MCAM: variants seen among roughly 807,000 people sequenced by gnomAD.
MCAM encodes the protein melanoma cell adhesion molecule.
MCAM carries 55 observed loss-of-function variants against 79.1 expected under a neutral mutation model. The observed-to-expected ratio is 0.70, with a 90% CI of 0.56 to 0.87. The LOEUF (loss-of-function observed/expected upper bound fraction) is 0.87. Ranked by LOEUF, MCAM falls within the 40% of genes least tolerant of loss-of-function variation. The pLI, the probability that MCAM is intolerant of heterozygous loss-of-function variation, is 0.00. For synonymous variants in MCAM, 330 were observed against 339.8 expected (o/e 0.97, Z 0.32); for missense variants, 745 against 839.8 (o/e 0.89, Z 1.40).
chr11:119,310,214 A>T, intron 15 of MCAM, 135 bp downstream of exon 15: 1 of 705,172 alleles, frequency 1.4e-6, no homozygotes, highest in African/African-American at 1.8e-5. Flanking sequence ...ATCTGTGAGT[A>T]GTGTTAAGAA....
chr11:119,311,071 C>T lies in MCAM; in HGVS notation c.1645+19G>A, dbSNP rs774509411. On this transcript the variant is annotated intron_variant, in intron 13 of 15. Transcript: ENST00000264036. The surrounding 1 kb of genome is among the most constrained non-coding windows in gnomAD (Gnocchi z 4.4). ...GGATGCCCTGGCACAGCCCTGTTCTCTTGCCAGGCCTGGCTTACCTGTGGA... is the reference window on the plus strand; with the variant it reads ...GGATGCCCTGGCACAGCCCTGTTCTTTTGCCAGGCCTGGCTTACCTGTGGA... 1 of 1,614,238 alleles carries T rather than the reference C, an allele frequency of 6.2e-7. No individual in the cohort carries two copies. Among genetic ancestry groups the T allele is most frequent in the Non-Finnish European group, 8.5e-7 (1 of 1,180,038 alleles).
Position 119,309,799 on chromosome 11 carries a change from A to G in MCAM, c.*87T>C, listed in dbSNP as rs1950199985. 7.4e-7 allele frequency: 1 copy of G among 1,350,148 alleles called. No homozygotes were observed. The highest frequency in any genetic ancestry group is 2.4e-5 in the East Asian group (1 of 41,062). 83.6% of individuals were successfully genotyped at this position (1,350,148 alleles called of 1,614,324 possible). On this transcript the variant is annotated 3_prime_UTR_variant, in exon 16 of 16. Coordinates refer to ENST00000264036, the MANE Select transcript of MCAM (RefSeq NM_006500.3). The stretch of plus-strand genomic sequence containing the variant: ...CGAGGGGAGCAGGAGGCTTCTCTCT[A>G]GTCCCTTTGGAGGCTTTGGCTGAGA...
chr11:119,310,311 G>A (rs1276360550), intron 15 of MCAM, 38 bp downstream of exon 15: 1 of 1,334,082 alleles, frequency 7.5e-7, no homozygotes, highest in Non-Finnish European at 1.1e-6. Flanking sequence ...CGGTCCCTGA[G>A]GATGTGGCAG....
chr11:119,310,916 GAC>G lies in MCAM; in HGVS notation c.1646-15_1646-14del. The G allele has an allele frequency of 6.2e-7, 1 of 1,614,108 alleles. No homozygotes were observed. Among genetic ancestry groups the G allele is most frequent in the Non-Finnish European group, 8.5e-7 (1 of 1,180,026 alleles). ...GGCAGCTTTCTCTCTGCGCCACAAA[GAC>G]ACTCCTCGTCACTCCCTGCCCCAGG... On this transcript the variant is annotated splice_polypyrimidine_tract_variant and intron_variant, in intron 13 of 15. Transcript: ENST00000264036.
intron 5 of MCAM, chr11:119,314,182 G>C: frequency 2.2e-6 from 1 of 462,904 alleles, no homozygotes; most frequent in South Asian, 2.6e-5. Flanking sequence ...AAGAGATGGG[G>C]TCTCGCTCTG....
chr11:119,310,246 T>G, intron 15 of MCAM, 103 bp downstream of exon 15: 2 of 829,804 alleles, frequency 2.4e-6, no homozygotes, highest in South Asian at 2.9e-5. Context: ...GCCTGCTCCC[T>G]ATCTCTGACA....
rs1251410840 is a variant in MCAM at position 119,311,862 on chromosome 11, C to T, written c.1231G>A (p.Val411Met). Residue 411 changes from valine to methionine, a missense_variant, in exon 10 of 16, where the codon GTG becomes ATG. Physicochemically the swap from Val to Met is conservative, Grantham distance 21. Transcript: ENST00000264036. The surrounding 1 kb of genome is among the most constrained non-coding windows in gnomAD (Gnocchi z 4.4). Reference sequence around the variant, plus strand: ...CGGTTCAGGCCGGGTATGCTGGGCACAGACGCCACGCAGCGATAGCCGCCT... The same window carrying T: ...CGGTTCAGGCCGGGTATGCTGGGCATAGACGCCACGCAGCGATAGCCGCCT... Reference protein sequence around the residue: ...AGGGYRCVASVPSIPGLNRTQ... With the variant: ...AGGGYRCVASMPSIPGLNRTQ... 2 of 1,614,034 alleles carry T rather than the reference C, an allele frequency of 1.2e-6. No individual in the cohort carries two copies. Among genetic ancestry groups the T allele is most frequent in the Non-Finnish European group, 1.7e-6 (2 of 1,180,040 alleles).
rs770572311 is a variant in MCAM at position 119,312,589 on chromosome 11, G to A, written c.799C>T (p.Arg267Cys). 52 of 1,613,954 alleles carry A rather than the reference G, an allele frequency of 3.2e-5. No individual in the cohort carries two copies. Among genetic ancestry groups the A allele is most frequent in the African/African-American group, 1.2e-4 (9 of 74,874 alleles). Reference sequence around the variant, plus strand: ...TCAGCCAAACACCTGATTTCCACGCGGTCCCCTTCCTTCAGCATTCCCACG... The same window carrying A: ...TCAGCCAAACACCTGATTTCCACGCAGTCCCCTTCCTTCAGCATTCCCACG... The part of the protein sequence containing the change: ...EPVGMLKEGD[R>C]VEIRCLADGN... Residue 267 changes from arginine to cysteine, a missense_variant, in exon 7 of 16, where the codon CGC becomes TGC. Coordinates refer to ENST00000264036, the MANE Select transcript of MCAM (RefSeq NM_006500.3). This position sits in a 1 kb window ranked among gnomAD's most constrained non-coding sequence, Gnocchi z 4.9.
rs369815222 is a variant in MCAM, at chr11:119,309,431, G to C, written c.*455C>G. 1 of 188,850 alleles carries C rather than the reference G, an allele frequency of 5.3e-6. No individual in the cohort carries two copies. Among genetic ancestry groups the C allele is most frequent in the African/African-American group, 2.3e-5 (1 of 42,782 alleles). The allele number at this position is 188,850 out of a possible 1,614,324, so 11.7% of individuals were successfully genotyped here. On this transcript the variant is annotated 3_prime_UTR_variant, in exon 16 of 16. Transcript: ENST00000264036. ...GCTCTCCGGAGCGGGTGTGAACAGC[G>C]CACTTCAACATGAGCAGGCGCCTGG...
intron 4 of MCAM, 37 bp from the exon 5 acceptor site, chr11:119,314,613 G>A (rs763824579): frequency 1.2e-6 from 2 of 1,610,568 alleles, no homozygotes; most frequent in African/African-American, 1.3e-5. Context: ...CTGCCTCCGA[G>A]CCCCCTTCAA....
At position 119,316,666 on chromosome 11, in the gene MCAM, C is replaced by A. The variant is rs1235223771; in HGVS notation, c.67+369G>T. 2 of 205,952 alleles carry A rather than the reference C, an allele frequency of 9.7e-6. No homozygotes were observed. The highest frequency in any genetic ancestry group is 2.1e-4 in the East Asian group (2 of 9,394). The allele number at this position is 205,952 out of a possible 1,614,324, so 12.8% of individuals were successfully genotyped here. On this transcript the variant is annotated intron_variant, in intron 1 of 15. Transcript: ENST00000264036. This position sits in a 1 kb window ranked among gnomAD's most constrained non-coding sequence, Gnocchi z 4.8. Reference sequence around the variant, plus strand: ...TCCAGCAACAGGCGGGCGCGGAATTCAGGCTTTGAGGATGCGCCCCAGCTG... The same window carrying A: ...TCCAGCAACAGGCGGGCGCGGAATTAAGGCTTTGAGGATGCGCCCCAGCTG...
In MCAM at chr11:119,310,454, C is replaced by CG. The variant is rs774170249; in HGVS notation, c.1805dup (p.Ser603ValfsTer3). On this transcript the variant is annotated frameshift_variant, in exon 15 of 16. Coordinates refer to ENST00000264036, the MANE Select transcript of MCAM (RefSeq NM_006500.3). LOFTEE classifies it high-confidence loss of function. Reference sequence around the variant, plus strand: ...CAACTACAAGTTCGCTCTTACGAGACGGGGGTAGCGTGCTGGGAGGAGGGA... The same window carrying CG: ...CAACTACAAGTTCGCTCTTACGAGACGGGGGGTAGCGTGCTGGGAGGAGGGA... 4.3e-6 allele frequency: 7 copies of CG among 1,609,960 alleles called. No individual in the cohort carries two copies. Among genetic ancestry groups the CG allele is most frequent in the East Asian group, 2.2e-5 (1 of 44,860 alleles).
chr11:119,314,759 A>C lies in MCAM; in HGVS notation c.401-10T>G, dbSNP rs142097937. ...GGCTCCTCCGGAGCTTCTACAAGAA[A>C]ATAGAAATGAGGGGGACATCTGGCC... On this transcript the variant is annotated splice_polypyrimidine_tract_variant and intron_variant, in intron 3 of 15. Transcript: ENST00000264036. 1.9e-6 allele frequency: 3 copies of C among 1,613,552 alleles called. No individual in the cohort carries two copies. Among genetic ancestry groups the C allele is most frequent in the Non-Finnish European group, 2.5e-6 (3 of 1,179,900 alleles).
Position 119,310,398 on chromosome 11 carries a change from A to G in MCAM, c.1862T>C (p.Met621Thr). The G allele has an allele frequency of 4.3e-6, 7 of 1,614,060 alleles. No individual in the cohort carries two copies. Among genetic ancestry groups the G allele is most frequent in the African/African-American group, 1.3e-5 (1 of 75,018 alleles). ...ACCGCTGCTGCCCTGCAGGAGGCCC[A>G]TCTCTTCTGGGAGCTTATCTGACTT... ...EVKSDKLPEE[M>T]GLLQGSSGDK... Residue 621 changes from methionine (M) to threonine (T), a missense_variant, in exon 15 of 16, where the codon ATG becomes ACG. Physicochemically the swap from Met to Thr is moderately conservative, Grantham distance 81. Coordinates refer to ENST00000264036, the MANE Select transcript of MCAM (RefSeq NM_006500.3).
At position 119,315,695 on chromosome 11, in the gene MCAM, C is replaced by A; in HGVS notation, c.68-432G>T. On this transcript the variant is annotated intron_variant, in intron 1 of 15. Transcript: ENST00000264036. The surrounding 1 kb of genome is among the most constrained non-coding windows in gnomAD (Gnocchi z 4.4). ...CAGGGGAAGACACCACTGCTCTATC[C>A]TCTGCCCTCCAAAATCCCTGCCCTC... The A allele has an allele frequency of 5.3e-6, 1 of 188,122 alleles. No homozygotes were observed. Among genetic ancestry groups the A allele is most frequent in the Non-Finnish European group, 1.1e-5 (1 of 88,026 alleles). The allele number at this position is 188,122 out of a possible 1,614,324, so 11.7% of individuals were successfully genotyped here.
chr11:119,312,827 G>C lies in MCAM; in HGVS notation c.682C>G (p.Arg228Gly). Reference protein sequence around the residue: ...DAQFYCELNYRLPSGNHMKES... With the variant: ...DAQFYCELNYGLPSGNHMKES... Reference sequence around the variant, plus strand: ...TTCATGTGGTTCCCACTGGGCAGCCGGTAGTTGAGCTCACAGTAAAACTGG... The same window carrying C: ...TTCATGTGGTTCCCACTGGGCAGCCCGTAGTTGAGCTCACAGTAAAACTGG... The change falls in exon 6 of 16, where the codon CGG becomes GGG. Residue 228 changes from arginine (R) to glycine (G), a missense_variant. Transcript: ENST00000264036. This position sits in a 1 kb window ranked among gnomAD's most constrained non-coding sequence, Gnocchi z 4.9. The C allele has an allele frequency of 6.2e-7, 1 of 1,614,172 alleles. No individual in the cohort carries two copies. Among genetic ancestry groups the C allele is most frequent in the Non-Finnish European group, 8.5e-7 (1 of 1,180,022 alleles).
At chr11:119,313,414 T>TC (rs1156637613) in intron 5 of MCAM, 9 of 885,658 alleles carry the variant, frequency 1.0e-5, no homozygotes, top group South Asian at 1.7e-5. Flanking sequence ...TTTTTTTTTT[T>TC]CAGACAGAGT....
rs1460273908 is a variant in MCAM, at chr11:119,312,035, C to G, written c.1143+17G>C. On this transcript the variant is annotated intron_variant, in intron 9 of 15. Transcript: ENST00000264036. The surrounding 1 kb of genome is among the most constrained non-coding windows in gnomAD (Gnocchi z 4.9). ...CACCCACCCCATCAGCCCCTTGCCC[C>G]AGACCCGCCTGGGTACCTCTTCTCT... The G allele has an allele frequency of 6.2e-7, 1 of 1,608,138 alleles. No individual in the cohort carries two copies.
intron 5 of MCAM, chr11:119,314,020 G>A: frequency 1.0e-6 from 1 of 983,334 alleles, no homozygotes; most frequent in Non-Finnish European, 1.2e-6. Context: ...CTGGGAGGGG[G>A]GGTCTCAGGC....
Sources: allele counts gnomAD v4.1 joint callset, GRCh38; gene constraint gnomAD v4.1.1; non-coding constraint Gnocchi (gnomAD v3.1); transcripts MANE v1.5; gene names NCBI Gene and HGNC (gene_info 2026-07-23, HGNC 2026-07-21).